The following ZNF564 variants were observed in gnomAD, a reference collection of about 807,000 sequenced individuals.
The protein encoded by ZNF564 is zinc finger protein 564.
In ZNF564, 5 loss-of-function variants were observed where a neutral mutation model predicts 10.5. That is an observed-to-expected ratio of 0.48 (90% CI 0.25 to 1.00). The LOEUF is 1.00. ZNF564 is among the 50% of genes least tolerant of loss of function. The probability of loss-of-function intolerance (pLI) is 0.16; values close to 1 mark genes in which losing one functional copy is unlikely to be tolerated. For missense variants in ZNF564, 603 were observed against 669.7 expected (o/e 0.90, Z 1.10); for synonymous variants, 242 against 218.1 (o/e 1.11, Z -0.97).
At chr19:12,548,777 G>A (rs1408127043) in intron 1 of ZNF564, 1 of 701,362 alleles carries the variant, frequency 1.4e-6, no homozygotes, top group Non-Finnish European at 2.6e-6. Flanking sequence ...ATATTTCAAA[G>A]TCCCATCTGA....
intron 1 of ZNF564, among the ~76,000 whole-genome samples, chr19:12,542,310 A>G (rs1166122260): frequency 6.1e-5 from 2 of 32,924 alleles, no homozygotes; most frequent in African/African-American, 1.9e-4. Context: ...CTCTGTCTCA[A>G]AAAAAAAAAA....
At chr19:12,548,632 G>A (rs562566832) in intron 1 of ZNF564, 5 of 558,686 alleles carry the variant, frequency 8.9e-6, no homozygotes, top group Admixed American at 5.9e-5. Flanking sequence ...CAGCCATCGC[G>A]GCTGGCAAGA....
Position 12,527,598 on chromosome 19 carries a change from T to C in ZNF564, c.510A>G (p.Ala170=), listed in dbSNP as rs370387473. The part of the protein sequence containing the change: ...ERTHTGEKPY[A]CPECGKAFIS... ...TGAAGGCTTTCCCACATTCCGGACA[T>C]GCATAGGGTTTCTCACCAGTGTGAG... is the stretch of plus-strand genomic sequence containing the variant. The change falls in exon 4 of 4, where the codon GCA becomes GCG. Residue 170 remains alanine, a synonymous_variant. Coordinates refer to ENST00000339282, the MANE Select transcript of ZNF564 (RefSeq NM_144976.4). 1.2e-6 allele frequency: 2 copies of C among 1,614,078 alleles called. No homozygotes were observed. Among genetic ancestry groups the C allele is most frequent in the African/African-American group, 2.7e-5 (2 of 74,928 alleles).
At chr19:12,528,388 C>T in intron 2 of ZNF564, 24 bp from the exon 3 acceptor site, 1 of 1,595,704 alleles carries the variant, frequency 6.3e-7, no homozygotes, top group East Asian at 2.2e-5. Flanking sequence ...AGAAAAAATC[C>T]TTATGAACTG....
intron 1 of ZNF564, among the ~76,000 whole-genome samples, chr19:12,544,900 C>T (rs2022121449): frequency 6.6e-6 from 1 of 152,174 alleles, no homozygotes; most frequent in Admixed American, 6.6e-5. Context: ...CACAAGGAAA[C>T]CCACATTCAG....
chr19:12,539,898 G>A (rs377296904), intron 1 of ZNF564, among the ~76,000 whole-genome samples: 1 of 146,996 alleles, frequency 6.8e-6, no homozygotes, highest in Non-Finnish European at 1.5e-5. Flanking sequence ...GGAGATTGGC[G>A]TGAATCTGGG....
intron 3 of ZNF564, 47 bp downstream of exon 3, chr19:12,528,257 G>T: frequency 6.6e-7 from 1 of 1,518,382 alleles, no homozygotes; most frequent in Non-Finnish European, 9.0e-7. Context: ...AAAATTTCAT[G>T]ACATACTAAG....
At chr19:12,539,652 A>T (rs1177140554) in intron 1 of ZNF564, among the ~76,000 whole-genome samples, 1 of 148,920 alleles carries the variant, frequency 6.7e-6, no homozygotes, top group African/African-American at 2.5e-5. Flanking sequence ...TGGGCGACAG[A>T]GCGACAATTC....
intron 1 of ZNF564, among the ~76,000 whole-genome samples, chr19:12,537,749 A>AG (rs936686298): frequency 4.6e-5 from 7 of 151,852 alleles, no homozygotes; most frequent in South Asian, 2.1e-4. Flanking sequence ...AAAAAAAAAA[A>AG]AAAAGAAAAA....
chr19:12,530,511 C>A (rs573870484), intron 1 of ZNF564, among the ~76,000 whole-genome samples: 3 of 152,102 alleles, frequency 2.0e-5, no homozygotes, highest in Non-Finnish European at 4.4e-5. Context: ...AGATACATAA[C>A]AAGGTACCCT....
chr19:12,541,997 C>T (rs561493556), intron 1 of ZNF564, among the ~76,000 whole-genome samples: 2 of 108,732 alleles, frequency 1.8e-5, no homozygotes, highest in African/African-American at 7.2e-5. Flanking sequence ...GCCTGGGTGA[C>T]AGAGCGAGAC....
intron 1 of ZNF564, among the ~76,000 whole-genome samples, chr19:12,544,684 G>A (rs765657170): frequency 2.0e-5 from 3 of 152,138 alleles, no homozygotes; most frequent in Admixed American, 6.6e-5. Context: ...GTGACTCCAC[G>A]AAATTCCCAT....
At chr19:12,533,267 G>A (rs554322358) in intron 1 of ZNF564, among the ~76,000 whole-genome samples, 11 of 152,200 alleles carry the variant, frequency 7.2e-5, no homozygotes, top group African/African-American at 2.6e-4. Context: ...TAAGCACATG[G>A]ATCAAAGAAG....
At position 12,529,063 on chromosome 19, in the gene ZNF564, TCAAA is replaced by T. The variant is rs950815890; in HGVS notation, c.4-371_4-368del. ...CTGGCTGACAGAGAGAGACCCCATC[TCAAA>T]CAAACAAACAAAAAACAAAACAAAA... On this transcript the variant is annotated intron_variant, in intron 1 of 3. Coordinates refer to ENST00000339282, the MANE Select transcript of ZNF564 (RefSeq NM_144976.4). Among the ~76,000 whole-genome samples the T allele has an allele frequency of 1.2e-3, 184 of 152,186 alleles. 3 individuals carry two copies. The highest frequency in any genetic ancestry group is 0.01 in the Admixed American group (157 of 15,274).
At chr19:12,528,036 T>G (rs1409369727) in intron 3 of ZNF564, 120 bp from the exon 4 acceptor site, 3 of 1,156,096 alleles carry the variant, frequency 2.6e-6, no homozygotes. Context: ...TATGAATTGT[T>G]TGAAAGTGAA....
At chr19:12,533,918 A>G (rs2021858993) in intron 1 of ZNF564, among the ~76,000 whole-genome samples, 1 of 151,906 alleles carries the variant, frequency 6.6e-6, no homozygotes, top group Non-Finnish European at 1.5e-5. Flanking sequence ...GAACACCAAT[A>G]AAACTGATAA....
At chr19:12,538,743 A>G (rs1432273899) in intron 1 of ZNF564, among the ~76,000 whole-genome samples, 2 of 151,850 alleles carry the variant, frequency 1.3e-5, no homozygotes, top group Non-Finnish European at 2.9e-5. Context: ...CAAGAGGTCA[A>G]TGCTACAGTG....
At chr19:12,528,171 TTTTC>T (rs1255416048) in intron 3 of ZNF564, 129 bp downstream of exon 3, 37 of 965,188 alleles carry the variant, frequency 3.8e-5, no homozygotes, top group Admixed American at 2.8e-4. Flanking sequence ...CTATGCCACT[TTTTC>T]TTTTTCTGGT....
chr19:12,529,485 A>C (rs1265408205), intron 1 of ZNF564, among the ~76,000 whole-genome samples: 1 of 152,006 alleles, frequency 6.6e-6, no homozygotes, highest in Admixed American at 6.6e-5. Context: ...ATGCACCTGT[A>C]ATCCCAGCTA....
Sources: allele counts gnomAD v4.1 joint callset (sites outside exome capture counted in the v4.1 genomes callset), GRCh38; gene constraint gnomAD v4.1.1; transcripts MANE v1.5; gene names NCBI Gene and HGNC (gene_info 2026-07-23, HGNC 2026-07-21).